Variants in MACROD2 observed in about 807,000 individuals in gnomAD.
MACROD2 encodes the protein mono-ADP ribosylhydrolase 2.
A neutral mutation model predicts 70.4 loss-of-function variants in MACROD2; 36 were observed. The ratio of observed to expected loss-of-function variants is 0.51; its 90% CI spans 0.39 to 0.68. The LOEUF (loss-of-function observed/expected upper bound fraction) is 0.68, where lower values mean the gene tolerates loss of function less well. MACROD2 is among the 30% of genes least tolerant of loss of function. MACROD2 has a pLI of 0.00. For synonymous variants in MACROD2, 172 were observed against 178.8 expected, an observed-to-expected ratio of 0.96 and a Z score of 0.30; for missense variants, 496 against 538.4, an observed-to-expected ratio of 0.92 and a Z score of 0.78.
At chr20:14,852,133 G>A (rs996678967) in intron 5 of MACROD2, among the ~76,000 whole-genome samples, 5 of 152,150 alleles carry the variant, frequency 3.3e-5, no homozygotes, top group Non-Finnish European at 5.9e-5. Flanking sequence ...ATGAGGGATG[G>A]GAGCAGGCGG....
chr20:15,131,548 G>A (rs2076105367), intron 5 of MACROD2, among the ~76,000 whole-genome samples: 1 of 151,974 alleles, frequency 6.6e-6, no homozygotes, highest in East Asian at 1.9e-4. Context: ...AGTATAGATG[G>A]AAATTAAACG....
intron 6 of MACROD2, among the ~76,000 whole-genome samples, chr20:15,352,082 G>A (rs1473064280): frequency 6.6e-6 from 1 of 152,240 alleles, no homozygotes; most frequent in Non-Finnish European, 1.5e-5. Flanking sequence ...TCAAACTGAG[G>A]CAGCCATAAT....
intron 3 of MACROD2, among the ~76,000 whole-genome samples, chr20:14,105,250 G>A (rs981747415): frequency 1.3e-5 from 2 of 152,170 alleles, no homozygotes; most frequent in Non-Finnish European, 2.9e-5. Flanking sequence ...ATGCACTGAC[G>A]AGGGTAGGAA....
chr20:15,773,690 G>A (rs1372168198), intron 8 of MACROD2, among the ~76,000 whole-genome samples: 2 of 152,024 alleles, frequency 1.3e-5, no homozygotes, highest in African/African-American at 2.4e-5. Context: ...TTATAGTTTT[G>A]TTGTTGTTGT....
chr20:14,002,942 C>T (rs1345103496), intron 2 of MACROD2, among the ~76,000 whole-genome samples: 1 of 152,000 alleles, frequency 6.6e-6, no homozygotes, highest in Non-Finnish European at 1.5e-5. Flanking sequence ...TGGTGGGAAT[C>T]TAGATTATGT....
intron 3 of MACROD2, among the ~76,000 whole-genome samples, chr20:14,186,759 G>C (rs987807656): frequency 2.0e-5 from 3 of 152,156 alleles, no homozygotes; most frequent in African/African-American, 7.2e-5. Flanking sequence ...GGAATGCTAC[G>C]CAGCTATAGA....
chr20:15,399,217 A>T lies in MACROD2; in HGVS notation c.541-32188A>T, dbSNP rs577291934. On this transcript the variant is annotated intron_variant, in intron 6 of 17. Coordinates refer to ENST00000684519, the MANE Select transcript of MACROD2 (RefSeq NM_001351661.2). ...AATACAAATTGTTGACACAGTTCCTAATAGAATACAGTCACCCTCCTTCTA... is the reference window on the plus strand; with the variant it reads ...AATACAAATTGTTGACACAGTTCCTTATAGAATACAGTCACCCTCCTTCTA... Among the ~76,000 whole-genome samples, 85 of 152,352 alleles carry T rather than the reference A, an allele frequency of 5.6e-4. 1 individual carries two copies. In the South Asian group the frequency reaches 8.7e-3, roughly 16 times the overall value.
intron 5 of MACROD2, among the ~76,000 whole-genome samples, chr20:14,815,432 T>C (rs2072762483): frequency 6.6e-6 from 1 of 152,048 alleles, no homozygotes; most frequent in African/African-American, 2.4e-5. Flanking sequence ...CATTGAAGTT[T>C]TTATAGATTT....
At chr20:15,824,121 T>A (rs1281633436) in intron 8 of MACROD2, among the ~76,000 whole-genome samples, 1 of 152,192 alleles carries the variant, frequency 6.6e-6, no homozygotes, top group African/African-American at 2.4e-5. Flanking sequence ...GGACTTGAAT[T>A]GACTGTACAG....
intron 3 of MACROD2, among the ~76,000 whole-genome samples, chr20:14,484,646 A>G (rs2084701488): frequency 6.6e-6 from 1 of 152,052 alleles, no homozygotes; most frequent in Non-Finnish European, 1.5e-5. Flanking sequence ...CATGAGTTCA[A>G]TTATTTTAAT....
intron 3 of MACROD2, among the ~76,000 whole-genome samples, chr20:14,459,297 A>G (rs1463416095): frequency 6.6e-6 from 1 of 152,078 alleles, no homozygotes; most frequent in Non-Finnish European, 1.5e-5. Flanking sequence ...ATCAGAAAGA[A>G]GGCAAATAAT....
chr20:15,660,264 A>G (rs2049800500), intron 8 of MACROD2, among the ~76,000 whole-genome samples: 1 of 152,164 alleles, frequency 6.6e-6, no homozygotes, highest in Non-Finnish European at 1.5e-5. Context: ...TTTACTTGGA[A>G]AGAATAGATG....
chr20:15,632,831 C>T (rs770293084), intron 8 of MACROD2, among the ~76,000 whole-genome samples: 4 of 151,366 alleles, frequency 2.6e-5, no homozygotes, highest in Non-Finnish European at 5.9e-5. Flanking sequence ...CCCTCCTTCC[C>T]TCCTCTCCTT....
At chr20:14,555,804 A>C (rs1175217970) in intron 4 of MACROD2, among the ~76,000 whole-genome samples, 1 of 152,000 alleles carries the variant, frequency 6.6e-6, no homozygotes. Flanking sequence ...CTCTTCCTTT[A>C]TTAGTACATT....
chr20:15,224,666 CG>C (rs2076890006), intron 5 of MACROD2, among the ~76,000 whole-genome samples: 1 of 152,110 alleles, frequency 6.6e-6, no homozygotes, highest in African/African-American at 2.4e-5. Context: ...ATGCTCTGGC[CG>C]GGTGTGGTGG....
intron 12 of MACROD2, among the ~76,000 whole-genome samples, chr20:15,946,331 C>A (rs1035457311): frequency 1.3e-5 from 2 of 152,094 alleles, no homozygotes; most frequent in African/African-American, 4.8e-5. Flanking sequence ...TAACTAGAAC[C>A]TTTACTCCAT....
Position 14,152,640 on chromosome 20 carries a change from G to A in MACROD2, c.271+66912G>A, listed in dbSNP as rs573660284. ...TGGGGTTTTGCTACGTTGGCCAGGC[G>A]GGTTTCGAACTCCTGACATCAGGTG... is the stretch of plus-strand genomic sequence containing the variant. On this transcript the variant is annotated intron_variant, in intron 3 of 17. Coordinates refer to ENST00000684519, the MANE Select transcript of MACROD2 (RefSeq NM_001351661.2). Among the ~76,000 whole-genome samples the A allele has an allele frequency of 1.6e-3, 236 of 151,984 alleles. 2 individuals are homozygous for A. Among genetic ancestry groups the A allele is most frequent in the African/African-American group, 5.5e-3 (228 of 41,474 alleles).
intron 6 of MACROD2, among the ~76,000 whole-genome samples, chr20:15,298,759 T>G (rs1229808511): frequency 6.6e-6 from 1 of 152,198 alleles, no homozygotes; most frequent in Non-Finnish European, 1.5e-5. Flanking sequence ...TGGGGTGCAG[T>G]CATGAAAATG....
At chr20:14,983,305 G>A (rs1324612101) in intron 5 of MACROD2, among the ~76,000 whole-genome samples, 1 of 152,168 alleles carries the variant, frequency 6.6e-6, no homozygotes, top group Non-Finnish European at 1.5e-5. Context: ...TTGGACTGTG[G>A]ACTTTTGGGT....
Sources: allele counts gnomAD v4.1 joint callset (sites outside exome capture counted in the v4.1 genomes callset), GRCh38; gene constraint gnomAD v4.1.1; transcripts MANE v1.5; gene names NCBI Gene and HGNC (gene_info 2026-07-23, HGNC 2026-07-21).